AK5: variants seen among roughly 807,000 people sequenced by gnomAD.
AK5 encodes adenylate kinase isoenzyme 5.
AK5 carries 27 observed loss-of-function variants against 69.5 expected under a neutral mutation model. The ratio of observed to expected loss-of-function variants is 0.39; its 90% CI spans 0.29 to 0.54. AK5 has a LOEUF of 0.54. Ranked by LOEUF, AK5 falls within the 20% of genes least tolerant of loss-of-function variation. The probability of loss-of-function intolerance (pLI) is 0.71; values close to 1 mark genes in which losing one functional copy is unlikely to be tolerated. For synonymous variants in AK5, 260 were observed against 244.4 expected (o/e 1.06, Z -0.60); for missense variants, 531 against 700.4 (o/e 0.76, Z 2.73).
At chr1:77,477,490 T>G (rs551418684) in intron 8 of AK5, among the ~76,000 whole-genome samples, 1 of 152,326 alleles carries the variant, frequency 6.6e-6, no homozygotes, top group South Asian at 2.1e-4. Context: ...CCAATTTAAA[T>G]AGAAATCTAG....
chr1:77,549,629 C>T (rs761675936), intron 13 of AK5, among the ~76,000 whole-genome samples: 1 of 152,082 alleles, frequency 6.6e-6, no homozygotes, highest in Non-Finnish European at 1.5e-5. Flanking sequence ...AACTATCAAT[C>T]TACTATCTGT....
intron 8 of AK5, among the ~76,000 whole-genome samples, chr1:77,463,378 C>T (rs777813414): frequency 4.6e-5 from 7 of 152,174 alleles, no homozygotes; most frequent in African/African-American, 1.4e-4. Flanking sequence ...CAAGCACATA[C>T]TGAACATCTA....
chr1:77,442,932 A>G (rs141385540), intron 8 of AK5, among the ~76,000 whole-genome samples: 2 of 152,078 alleles, frequency 1.3e-5, no homozygotes, highest in Non-Finnish European at 2.9e-5. Flanking sequence ...GAATTTTTTT[A>G]TTGTTTTATC....
intron 5 of AK5, among the ~76,000 whole-genome samples, chr1:77,308,251 C>T (rs577399144): frequency 1.3e-5 from 2 of 151,996 alleles, no homozygotes; most frequent in Admixed American, 6.6e-5. Flanking sequence ...AAGAGCTGGA[C>T]TCTCCCAGTC....
At chr1:77,312,315 G>T (rs922586885) in intron 5 of AK5, among the ~76,000 whole-genome samples, 1 of 152,042 alleles carries the variant, frequency 6.6e-6, no homozygotes, top group African/African-American at 2.4e-5. Context: ...CTAAGAATTG[G>T]TTCCTAAAGC....
At chr1:77,367,667 A>ATGT (rs1490306068) in intron 6 of AK5, among the ~76,000 whole-genome samples, 11 of 90,752 alleles carry the variant, frequency 1.2e-4, no homozygotes, top group Admixed American at 3.3e-4. Flanking sequence ...TATATATGTT[A>ATGT]TATATAATAT....
At chr1:77,519,344 G>T (rs1308584120) in intron 11 of AK5, among the ~76,000 whole-genome samples, 1 of 152,080 alleles carries the variant, frequency 6.6e-6, no homozygotes, top group Non-Finnish European at 1.5e-5. Context: ...GCTGCACTCT[G>T]TTTCCCACCT....
intron 8 of AK5, among the ~76,000 whole-genome samples, chr1:77,441,226 GT>G (rs144210301): frequency 0.062 from 9,384 of 152,088 alleles, 357 homozygotes; most frequent in Middle Eastern, 0.12. Flanking sequence ...TTGTCCATCT[GT>G]ATTTTCTAGT....
intron 13 of AK5, among the ~76,000 whole-genome samples, chr1:77,538,956 C>T (rs2100365555): frequency 1.3e-5 from 2 of 152,284 alleles, no homozygotes; most frequent in Middle Eastern, 6.8e-3. Context: ...ATTCATGATT[C>T]TAGAATTGGG....
At chr1:77,413,546 T>C (rs2100574512) in intron 7 of AK5, among the ~76,000 whole-genome samples, 1 of 152,298 alleles carries the variant, frequency 6.6e-6, no homozygotes, top group East Asian at 1.9e-4. Flanking sequence ...CCCACACTTC[T>C]AGCAAAGCCA....
chr1:77,290,301 G>A (rs2100647920), intron 2 of AK5, among the ~76,000 whole-genome samples: 1 of 152,230 alleles, frequency 6.6e-6, no homozygotes, highest in South Asian at 2.1e-4. Context: ...ATAATGTGTG[G>A]AATAGTTTAT....
At chr1:77,448,367 C>T (rs1652886390) in intron 8 of AK5, among the ~76,000 whole-genome samples, 1 of 152,200 alleles carries the variant, frequency 6.6e-6, no homozygotes, top group Admixed American at 6.5e-5. Context: ...GATGGGACAA[C>T]CTGCCTGCAG....
At chr1:77,355,737 A>G (rs1358104096) in intron 6 of AK5, among the ~76,000 whole-genome samples, 1 of 152,074 alleles carries the variant, frequency 6.6e-6, no homozygotes, top group East Asian at 1.9e-4. Context: ...TCTCCTTTTT[A>G]TAATTCTGCT....
intron 8 of AK5, among the ~76,000 whole-genome samples, chr1:77,462,320 GA>G (rs1234548379): frequency 6.6e-6 from 1 of 152,010 alleles, no homozygotes; most frequent in East Asian, 1.9e-4. Flanking sequence ...TGGATGGATG[GA>G]TGGATGGATG....
intron 12 of AK5, among the ~76,000 whole-genome samples, chr1:77,533,509 C>CAAAAAAA (rs10526328): frequency 9.5e-5 from 9 of 94,972 alleles, no homozygotes; most frequent in African/African-American, 4.5e-4. Flanking sequence ...ACTCTGTCAC[C>CAAAAAAA]AAAAAAAAAA....
chr1:77,320,821 T>A (rs543254049), intron 5 of AK5, among the ~76,000 whole-genome samples: 1 of 152,268 alleles, frequency 6.6e-6, no homozygotes, highest in African/African-American at 2.4e-5. Flanking sequence ...TAAAGTAGAC[T>A]TCAGACAGAG....
chr1:77,380,881 A>G (rs1647582589), intron 6 of AK5, among the ~76,000 whole-genome samples: 1 of 152,162 alleles, frequency 6.6e-6, no homozygotes, highest in Non-Finnish European at 1.5e-5. Context: ...GAGAGCATGG[A>G]GGTGAAAGTG....
At chr1:77,367,779 A>ACGTTATATGTT (rs1557533869) in intron 6 of AK5, among the ~76,000 whole-genome samples, 3 of 10,450 alleles carry the variant, frequency 2.9e-4, no homozygotes, top group Admixed American at 2.4e-3. Context: ...TGTTATATAT[A>ACGTTATATGTT]ATATATGTTA....
At chr1:77,554,413 C>G (rs1206325794) in intron 13 of AK5, among the ~76,000 whole-genome samples, 2 of 152,144 alleles carry the variant, frequency 1.3e-5, no homozygotes, top group Non-Finnish European at 2.9e-5. Flanking sequence ...CAGGCTGGAA[C>G]CAGACCTGGA....
Sources: gnomAD v4.1 joint callset for allele counts (sites outside exome capture counted in the v4.1 genomes callset) on GRCh38, gnomAD v4.1.1 for gene constraint, MANE v1.5 for transcripts, NCBI Gene and HGNC (gene_info 2026-07-23, HGNC 2026-07-21) for gene names.